The following MYBPC1 variants were observed in gnomAD, a reference collection of about 807,000 sequenced individuals.
MYBPC1 encodes the protein myosin-binding protein C, slow-type.
MYBPC1 carries 52 observed loss-of-function variants against 147.1 expected under a neutral mutation model. The ratio of observed to expected loss-of-function variants is 0.35; its 90% confidence interval spans 0.28 to 0.45. The LOEUF (loss-of-function observed/expected upper bound fraction) is 0.45, where lower values mean the gene tolerates loss of function less well. Among genes scored for constraint, MYBPC1 ranks in the 20% least tolerant of loss-of-function variants. MYBPC1 has a pLI of 1.00. For synonymous variants in MYBPC1, 477 were observed against 475.9 expected (o/e 1.00, Z -0.03); for missense variants, 1,228 against 1,440.3 (o/e 0.85, Z 2.39).
At chr12:101,605,486 AT>A (rs1454766284) in intron 1 of MYBPC1, among the ~76,000 whole-genome samples, 1 of 152,226 alleles carries the variant, frequency 6.6e-6, no homozygotes, top group African/African-American at 2.4e-5. Flanking sequence ...GTTTATGTGC[AT>A]AACTAGTGTA....
intron 31 of MYBPC1, among the ~76,000 whole-genome samples, chr12:101,684,701 C>T (rs544184684): frequency 6.6e-6 from 1 of 152,264 alleles, no homozygotes; most frequent in Non-Finnish European, 1.5e-5. Context: ...GATACCCAAG[C>T]ATTCTGAATT....
At chr12:101,671,335 A>ACG (rs748666993) in intron 24 of MYBPC1, among the ~76,000 whole-genome samples, 25 of 142,478 alleles carry the variant, frequency 1.8e-4, no homozygotes, top group Admixed American at 1.4e-3. Context: ...ACACACACAC[A>ACG]CACTCACACA....
intron 19 of MYBPC1, 118 bp from the exon 20 acceptor site, chr12:101,661,040 A>G: frequency 2.9e-6 from 2 of 678,430 alleles, no homozygotes; most frequent in Non-Finnish European, 5.2e-6. Context: ...TAAACATGGG[A>G]AAGTACTCAG....
intron 2 of MYBPC1, among the ~76,000 whole-genome samples, chr12:101,615,932 G>T (rs1885930076): frequency 6.6e-6 from 1 of 151,272 alleles, no homozygotes. Flanking sequence ...ACAGGGTCTT[G>T]CTCTGTTATC....
At chr12:101,611,493 G>A (rs572941527) in intron 1 of MYBPC1, among the ~76,000 whole-genome samples, 85 of 152,302 alleles carry the variant, frequency 5.6e-4, no homozygotes, top group African/African-American at 2.0e-3. Context: ...ATGGGAATTG[G>A]TCACATAGAT....
chr12:101,623,274 G>T (rs899404901), intron 3 of MYBPC1, among the ~76,000 whole-genome samples: 1 of 152,156 alleles, frequency 6.6e-6, no homozygotes, highest in East Asian at 1.9e-4. Flanking sequence ...GGGAGGTAGA[G>T]GTTGCAGTGA....
chr12:101,644,913 GGA>G, intron 12 of MYBPC1, 117 bp downstream of exon 12: 1 of 1,027,066 alleles, frequency 9.7e-7, no homozygotes. Flanking sequence ...AAAATCATAT[GGA>G]GAGAGAGTAA....
chr12:101,606,185 C>G (rs970085034), intron 1 of MYBPC1, among the ~76,000 whole-genome samples: 4 of 144,810 alleles, frequency 2.8e-5, no homozygotes, highest in Non-Finnish European at 6.0e-5. Context: ...AGAATGAGAC[C>G]TTTCTTCTCA....
rs2136061836 is a variant in MYBPC1, at chr12:101,632,104, G to A, written c.522G>A (p.Lys174=). The A allele has an allele frequency of 6.2e-7, 1 of 1,613,798 alleles. No homozygotes were observed. Among genetic ancestry groups the A allele is most frequent in the Non-Finnish European group, 8.5e-7 (1 of 1,179,654 alleles). The stretch of plus-strand genomic sequence containing the variant: ...GATGCGAGGTCACCTATAAGGATAA[G>A]TTTGACAGCTGTTCATTTGATCTTG... ...NYRCEVTYKD[K]FDSCSFDLEV... is the part of the protein sequence containing the mutation. The change falls in exon 8 of 32, where the codon AAG becomes AAA. Residue 174 remains lysine (K), a synonymous_variant. Transcript: ENST00000361466.
intron 29 of MYBPC1, among the ~76,000 whole-genome samples, chr12:101,681,643 C>G (rs577473897): frequency 2.8e-4 from 26 of 92,088 alleles, no homozygotes; most frequent in Non-Finnish European, 4.6e-4. Context: ...AGGTCTTGCT[C>G]TGTCACCCAG....
In MYBPC1 at chr12:101,644,690, T is replaced by C; in HGVS notation, c.859T>C (p.Tyr287His). ...AAFAKILDPA[Y>H]QVDKGGRVRF... ...TTTTGCAAAAATTCTTGATCCTGCA[T>C]ATCAGGTTGACAAAGGAGGCAGAGT... Residue 287 changes from tyrosine (Y) to histidine (H), a missense_variant, in exon 12 of 32, where the codon TAT becomes CAT. By Grantham distance (83) the Tyr-to-His change is moderately conservative (BLOSUM62 2). This residue lies in a region of MYBPC1 where 1,077 missense variants were observed against 1,314.2 expected (regional missense o/e 0.82). Transcript: ENST00000361466. 1 of 1,613,996 alleles carries C rather than the reference T, an allele frequency of 6.2e-7. No homozygotes were observed. Among genetic ancestry groups the C allele is most frequent in the Non-Finnish European group, 8.5e-7 (1 of 1,179,882 alleles).
chr12:101,609,045 C>A (rs1189269651), intron 1 of MYBPC1, among the ~76,000 whole-genome samples: 2 of 152,064 alleles, frequency 1.3e-5, no homozygotes, highest in East Asian at 3.9e-4. Context: ...TATGGAGCAC[C>A]TGCTGTGTGG....
chr12:101,602,954 G>A (rs1880688362), intron 1 of MYBPC1, among the ~76,000 whole-genome samples: 1 of 152,162 alleles, frequency 6.6e-6, no homozygotes, highest in African/African-American at 2.4e-5. Context: ...TGGGGACATG[G>A]CCTTTCCCAC....
intron 22 of MYBPC1, among the ~76,000 whole-genome samples, chr12:101,664,136 T>C (rs1159283771): frequency 6.6e-6 from 1 of 152,106 alleles, no homozygotes; most frequent in African/African-American, 2.4e-5. Context: ...GAGTTGGGGA[T>C]ATAAAACTGT....
chr12:101,691,457 C>A, the MYBPC1 span, among the ~76,000 whole-genome samples: 1 of 152,208 alleles, frequency 6.6e-6, no homozygotes, highest in South Asian at 2.1e-4. Context: ...ATTTCACACA[C>A]AACAGTGCCT....
At chr12:101,679,084 G>T (rs1261096869) in intron 28 of MYBPC1, among the ~76,000 whole-genome samples, 1 of 151,574 alleles carries the variant, frequency 6.6e-6, no homozygotes, top group South Asian at 2.1e-4. Flanking sequence ...GGGAGGTGGA[G>T]GTTGCAGTGA....
intron 26 of MYBPC1, among the ~76,000 whole-genome samples, chr12:101,676,989 T>A (rs1208510131): frequency 1.3e-5 from 2 of 152,206 alleles, no homozygotes; most frequent in Non-Finnish European, 2.9e-5. Flanking sequence ...CTAGGGTATA[T>A]GAATCTAATG....
At chr12:101,665,046 C>A (rs950600392) in intron 22 of MYBPC1, among the ~76,000 whole-genome samples, 2 of 152,034 alleles carry the variant, frequency 1.3e-5, no homozygotes, top group African/African-American at 4.8e-5. Flanking sequence ...TTACTCTTTT[C>A]TTTCTGATAG....
At chr12:101,598,986 A>G (rs1188467904) in intron 1 of MYBPC1, among the ~76,000 whole-genome samples, 2 of 152,180 alleles carry the variant, frequency 1.3e-5, no homozygotes, top group African/African-American at 4.8e-5. Flanking sequence ...ATCAGACCTT[A>G]TTATATTTAA....
Sources: allele counts gnomAD v4.1 joint callset (sites outside exome capture counted in the v4.1 genomes callset), GRCh38; gene constraint gnomAD v4.1.1; regional missense constraint gnomAD v4.1.1; transcripts MANE v1.5; gene names NCBI Gene and HGNC (gene_info 2026-07-23, HGNC 2026-07-21).